ARID1B: variants seen among roughly 807,000 people sequenced by gnomAD.
ARID1B encodes AT-rich interaction domain 1B, also known as AT-rich interactive domain-containing protein 1B.
A neutral mutation model predicts 212.3 loss-of-function variants in ARID1B; 30 were observed. That is an observed-to-expected ratio of 0.14 (90% CI 0.11 to 0.19). The LOEUF (loss-of-function observed/expected upper bound fraction) is 0.19. Among genes scored for constraint, ARID1B ranks in the 10% least tolerant of loss-of-function variants. The pLI, the probability that ARID1B is intolerant of heterozygous loss-of-function variation, is 1.00. For synonymous variants in ARID1B, 1,402 were observed against 1,301.7 expected (o/e 1.08, Z -1.66); for missense variants, 2,891 against 3,204.0 (o/e 0.90, Z 2.36).
In ARID1B at chr6:157,203,845, C is replaced by T. The variant is rs780399896; in HGVS notation, c.5264-21C>T. 21 of 1,613,512 alleles carry T rather than the reference C, an allele frequency of 1.3e-5. No homozygotes were observed. The East Asian group carries it at 4.7e-4, about 36-fold the overall frequency. On this transcript the variant is annotated intron_variant, in intron 18 of 19. Coordinates refer to ENST00000636930, the MANE Select transcript of ARID1B (RefSeq NM_001374828.1). This position sits in a 1 kb window ranked among gnomAD's most constrained non-coding sequence, Gnocchi z 4.4. ...GCATAGAGTCAACATTCATGATATCCTTGTTCTTCCCCATCTTCAGTTACT... is the reference window on the plus strand; with the variant it reads ...GCATAGAGTCAACATTCATGATATCTTTGTTCTTCCCCATCTTCAGTTACT...
chr6:157,181,025 G>C lies in ARID1B; in HGVS notation c.3561G>C (p.Gly1187=), dbSNP rs1459507646. The change falls in exon 12 of 20, where the codon GGG becomes GGC. Residue 1187 remains glycine, a synonymous_variant. Transcript: ENST00000636930. ...GEKITKVYEL[G]NEPERKLWVD... ...AGATCACGAAGGTGTACGAGCTGGG[G>C]AATGAGCCAGAGAGAAAGCTCTGGG... 6.2e-7 allele frequency: 1 copy of C among 1,613,968 alleles called. No homozygotes were observed. The highest frequency in any genetic ancestry group is 1.3e-5 in the African/African-American group (1 of 74,900).
At chr6:157,040,677 A>G (rs907953565) in intron 4 of ARID1B, among the ~76,000 whole-genome samples, 3 of 152,234 alleles carry the variant, frequency 2.0e-5, no homozygotes, top group Non-Finnish European at 4.4e-5. Flanking sequence ...CAGGGAAACA[A>G]GTGTGCAGTC....
At position 157,190,454 on chromosome 6, in the gene ARID1B, C is replaced by T. The variant is rs1024202378; in HGVS notation, c.4231+244C>T. 7.2e-5 allele frequency among the ~76,000 whole-genome samples: 11 copies of T among 152,336 alleles called. No homozygotes were observed. The highest frequency in any genetic ancestry group is 2.6e-4 in the African/African-American group (11 of 41,576). Reference sequence around the variant, plus strand: ...TTCCCTGGCACATGCTCCCTGTTTCCGGATACCTGCCACCTCCTTACACGT... The same window carrying T: ...TTCCCTGGCACATGCTCCCTGTTTCTGGATACCTGCCACCTCCTTACACGT... On this transcript the variant is annotated intron_variant, in intron 15 of 19. Transcript: ENST00000636930. This position sits in a 1 kb window ranked among gnomAD's most constrained non-coding sequence, Gnocchi z 4.6.
intron 6 of ARID1B, among the ~76,000 whole-genome samples, chr6:157,112,868 T>G (rs916696954): frequency 1.3e-5 from 2 of 152,184 alleles, no homozygotes; most frequent in Non-Finnish European, 2.9e-5. Flanking sequence ...TGTAGTGTAG[T>G]TTGGGTAACT....
intron 4 of ARID1B, among the ~76,000 whole-genome samples, chr6:156,970,514 T>C (rs763503009): frequency 2.6e-5 from 4 of 152,384 alleles, no homozygotes; most frequent in Non-Finnish European, 5.9e-5. Context: ...CCAAGATTAC[T>C]GAGTCTGCTA....
chr6:157,080,543 C>G (rs1784574359), intron 4 of ARID1B, among the ~76,000 whole-genome samples: 1 of 152,196 alleles, frequency 6.6e-6, no homozygotes, highest in Non-Finnish European at 1.5e-5. Flanking sequence ...TCCCATGCAT[C>G]TTCTTTGTGG....
intron 1 of ARID1B, among the ~76,000 whole-genome samples, chr6:156,817,471 A>C (rs569306306): frequency 2.2e-4 from 34 of 152,104 alleles, no homozygotes; most frequent in Middle Eastern, 3.4e-3. Flanking sequence ...CCCCATCTCT[A>C]TAAAAAAAAT....
intron 2 of ARID1B, among the ~76,000 whole-genome samples, chr6:156,842,161 G>A (rs752647741): frequency 4.6e-5 from 7 of 152,170 alleles, no homozygotes; most frequent in Non-Finnish European, 1.0e-4. Context: ...AAAATGTACA[G>A]TTCAATAATG....
chr6:156,906,375 C>G (rs1420784144), intron 3 of ARID1B, among the ~76,000 whole-genome samples: 1 of 151,538 alleles, frequency 6.6e-6, no homozygotes. Flanking sequence ...TGGAGAAACC[C>G]TGTCTCTACT....
At chr6:157,109,751 T>C (rs1786763118) in intron 5 of ARID1B, among the ~76,000 whole-genome samples, 2 of 152,204 alleles carry the variant, frequency 1.3e-5, no homozygotes. Context: ...TTATGACTTA[T>C]TAAGTATTTG....
chr6:156,947,027 G>T (rs1045850204), intron 4 of ARID1B, among the ~76,000 whole-genome samples: 2 of 152,196 alleles, frequency 1.3e-5, no homozygotes, highest in Non-Finnish European at 1.5e-5. Flanking sequence ...TTTTGGAGAT[G>T]ATTTGAAGGG....
At chr6:156,986,287 T>G (rs925533870) in intron 4 of ARID1B, among the ~76,000 whole-genome samples, 2 of 152,224 alleles carry the variant, frequency 1.3e-5, no homozygotes, top group African/African-American at 4.8e-5. Flanking sequence ...TTTTTAATTA[T>G]TAGAGGGACA....
At chr6:156,808,326 T>C (rs912724398) in intron 1 of ARID1B, among the ~76,000 whole-genome samples, 3 of 151,682 alleles carry the variant, frequency 2.0e-5, no homozygotes, top group African/African-American at 7.3e-5. Context: ...ACTTCAGAGT[T>C]CTCATTCTTT....
chr6:156,828,746 A>G (rs990157298), intron 1 of ARID1B, among the ~76,000 whole-genome samples: 2 of 152,208 alleles, frequency 1.3e-5, no homozygotes, highest in East Asian at 1.9e-4. Flanking sequence ...TCACTTTTTA[A>G]TGAACACTCG....
intron 4 of ARID1B, among the ~76,000 whole-genome samples, chr6:157,081,548 G>A (rs1387328719): frequency 6.6e-6 from 1 of 152,176 alleles, no homozygotes; most frequent in African/African-American, 2.4e-5. Flanking sequence ...CTGAGGTCTA[G>A]TCAGCACTGA....
chr6:156,857,806 G>T (rs1002467861), intron 2 of ARID1B, among the ~76,000 whole-genome samples: 4 of 152,178 alleles, frequency 2.6e-5, no homozygotes, highest in Non-Finnish European at 5.9e-5. Context: ...AAACCTAGAT[G>T]GTATAGCCTG....
Position 156,881,663 on chromosome 6 carries a change from G to A in ARID1B, c.1987-19713G>A, listed in dbSNP as rs138115928. Among the ~76,000 whole-genome samples the A allele has an allele frequency of 2.2e-3, 337 of 152,314 alleles. 2 individuals carry two copies. The highest frequency in any genetic ancestry group is 7.4e-3 in the African/African-American group (309 of 41,556). On this transcript the variant is annotated intron_variant, in intron 2 of 19. Coordinates refer to ENST00000636930, the MANE Select transcript of ARID1B (RefSeq NM_001374828.1). ...AGTGATACATACTGGTGGATCTCCA[G>A]TGTTCCTGTCCCCATTGTGGGGAAG... is the stretch of plus-strand genomic sequence containing the variant.
At chr6:156,999,018 T>C (rs918921590) in intron 4 of ARID1B, among the ~76,000 whole-genome samples, 1 of 152,200 alleles carries the variant, frequency 6.6e-6, no homozygotes, top group Non-Finnish European at 1.5e-5. Flanking sequence ...GTTTATATGT[T>C]TCTCTCTTCA....
chr6:156,787,939 A>C (rs1050934460), intron 1 of ARID1B, among the ~76,000 whole-genome samples: 6 of 152,136 alleles, frequency 3.9e-5, no homozygotes, highest in Non-Finnish European at 8.8e-5. Flanking sequence ...GCTGCTGGGC[A>C]GGGTTGTTGA....
Sources: gnomAD v4.1 joint callset for allele counts (sites outside exome capture counted in the v4.1 genomes callset) on GRCh38, gnomAD v4.1.1 for gene constraint, Gnocchi (gnomAD v3.1) non-coding constraint, MANE v1.5 for transcripts, NCBI Gene and HGNC (gene_info 2026-07-23, HGNC 2026-07-21) for gene names.